The following PPP4R1 variants were observed in gnomAD, a reference collection of about 807,000 sequenced individuals.
The protein encoded by PPP4R1 is protein phosphatase 4 regulatory subunit 1.
A neutral mutation model predicts 111.2 loss-of-function variants in PPP4R1; 42 were observed. The observed-to-expected ratio is 0.38, with a 90% CI of 0.29 to 0.49. PPP4R1 has a LOEUF of 0.49. Ranked by LOEUF, PPP4R1 falls within the 20% of genes least tolerant of loss-of-function variation. PPP4R1 has a pLI of 0.97. For synonymous variants in PPP4R1, 409 were observed against 405.5 expected (o/e 1.01, Z -0.10); for missense variants, 1,012 against 1,161.6 (o/e 0.87, Z 1.87).
chr18:9,553,195 G>A (rs1431193432), intron 16 of PPP4R1, 127 bp downstream of exon 16: 13 of 702,854 alleles, frequency 1.8e-5, no homozygotes, highest in Middle Eastern at 3.3e-4. Context: ...TACAGGAAGC[G>A]TTAAAGGGCT....
chr18:9,593,930 GAATTTT>G, intron 3 of PPP4R1, 56 bp from the exon 4 acceptor site: 1 of 1,423,010 alleles, frequency 7.0e-7, no homozygotes, highest in Non-Finnish European at 9.8e-7. Flanking sequence ...CTAATATCCA[GAATTTT>G]AATTTTTTGA....
chr18:9,559,646 T>C (rs1409501670), intron 13 of PPP4R1, 42 bp from the exon 14 acceptor site: 1 of 1,455,908 alleles, frequency 6.9e-7, no homozygotes. Context: ...GCAGCTGAGA[T>C]GCATTTTGAG....
chr18:9,563,184 AG>A, intron 12 of PPP4R1, 193 bp downstream of exon 12: 1 of 1,213,276 alleles, frequency 8.2e-7, no homozygotes, highest in Non-Finnish European at 1.1e-6. Flanking sequence ...TTACTTTTCC[AG>A]GCATTTCATA....
Position 9,557,212 on chromosome 18 carries a change from A to T in PPP4R1, c.2190+9T>A, listed in dbSNP as rs1361862419. The T allele has an allele frequency of 7.0e-6, 11 of 1,564,368 alleles. No homozygotes were observed. The highest frequency in any genetic ancestry group is 8.6e-6 in the Non-Finnish European group (10 of 1,162,248). On this transcript the variant is annotated intron_variant, in intron 15 of 19. Coordinates refer to ENST00000400556, the MANE Select transcript of PPP4R1 (RefSeq NM_001042388.3). ...GTTGTGTTTTTATGCAAAAAAATTTAAAAGTTACCTTCAGAAAATCATGCA... is the reference window on the plus strand; with the variant it reads ...GTTGTGTTTTTATGCAAAAAAATTTTAAAGTTACCTTCAGAAAATCATGCA...
Position 9,553,424 on chromosome 18 carries a change from T to C in PPP4R1, c.2191-2A>G. On this transcript the variant is annotated splice_acceptor_variant, in intron 15 of 19. Coordinates refer to ENST00000400556, the MANE Select transcript of PPP4R1 (RefSeq NM_001042388.3). LOFTEE classifies it high-confidence loss of function. ...TCTTCTTTTGTCAATATGAAGAAGC[T>C]AAAGTAACAAAATAAAAATATTTAC... 6.5e-7 allele frequency: 1 copy of C among 1,541,458 alleles called. No individual in the cohort carries two copies. Among genetic ancestry groups the C allele is most frequent in the Non-Finnish European group, 8.9e-7 (1 of 1,118,112 alleles).
intron 11 of PPP4R1, among the ~76,000 whole-genome samples, chr18:9,567,156 A>G (rs1233115990): frequency 6.6e-6 from 1 of 152,232 alleles, no homozygotes; most frequent in African/African-American, 2.4e-5. Context: ...AGCATTCACG[A>G]TTCATGGGAG....
At chr18:9,572,491 A>T (rs2066877433) in intron 10 of PPP4R1, among the ~76,000 whole-genome samples, 1 of 152,220 alleles carries the variant, frequency 6.6e-6, no homozygotes, top group African/African-American at 2.4e-5. Flanking sequence ...CAGTGAAGAG[A>T]CTTGCTTCCC....
chr18:9,577,017 A>G, intron 10 of PPP4R1, 47 bp downstream of exon 10: 1 of 1,429,702 alleles, frequency 7.0e-7, no homozygotes, highest in Non-Finnish European at 9.5e-7. Context: ...AAGCAGTAAA[A>G]TTAGAAAACA....
In PPP4R1 at chr18:9,583,231, G is replaced by A. The variant is rs2067060285; in HGVS notation, c.804C>T (p.Val268=). 1 of 1,607,224 alleles carries A rather than the reference G, an allele frequency of 6.2e-7. No homozygotes were observed. Among genetic ancestry groups the A allele is most frequent in the South Asian group, 1.1e-5 (1 of 90,462 alleles). The change falls in exon 9 of 20, where the codon GTC becomes GTT. Residue 268 remains valine (V), a synonymous_variant. Coordinates refer to ENST00000400556, the MANE Select transcript of PPP4R1 (RefSeq NM_001042388.3). Reference sequence around the variant, plus strand: ...TGAAGCATTCAGCACAAGCCTTTCGGACTCCCCATACATTATCAGAACAAA... The same window carrying A: ...TGAAGCATTCAGCACAAGCCTTTCGAACTCCCCATACATTATCAGAACAAA... ...FQLCSDNVWG[V]RKACAECFMA...
chr18:9,563,294 A>ACTAAAC, intron 12 of PPP4R1, 84 bp downstream of exon 12: 1 of 1,412,488 alleles, frequency 7.1e-7, no homozygotes, highest in South Asian at 1.4e-5. Flanking sequence ...ACAAACTAAA[A>ACTAAAC]GTGATTAGCT....
intron 11 of PPP4R1, among the ~76,000 whole-genome samples, chr18:9,566,530 A>T (rs539607871): frequency 2.1e-4 from 32 of 152,146 alleles, no homozygotes; most frequent in Admixed American, 8.5e-4. Context: ...GCATGCCTGT[A>T]GTCCCAGCTA....
intron 10 of PPP4R1, among the ~76,000 whole-genome samples, chr18:9,575,556 T>C (rs181871120): frequency 6.6e-6 from 1 of 152,304 alleles, no homozygotes; most frequent in East Asian, 1.9e-4. Flanking sequence ...AGATCAGCAA[T>C]ACAAGTAGTA....
chr18:9,591,548 G>A (rs1444525796), intron 4 of PPP4R1, among the ~76,000 whole-genome samples: 4 of 152,114 alleles, frequency 2.6e-5, no homozygotes, highest in Admixed American at 2.0e-4. Context: ...GCAGAAGACC[G>A]AAAGGTTCTC....
At chr18:9,552,795 C>T (rs1352270138) in intron 16 of PPP4R1, among the ~76,000 whole-genome samples, 1 of 152,186 alleles carries the variant, frequency 6.6e-6, no homozygotes, top group African/African-American at 2.4e-5. Flanking sequence ...TGTGGTATAT[C>T]CATACAATGG....
chr18:9,564,728 GTGTGTGT>G, intron 11 of PPP4R1, among the ~76,000 whole-genome samples: 1 of 54,472 alleles, frequency 1.8e-5, no homozygotes, highest in African/African-American at 6.6e-5. Flanking sequence ...GTGTGTGTGT[GTGTGTGT>G]GTGGGGGTAT....
Position 9,614,318 on chromosome 18 carries a change from G to A in PPP4R1, c.8-48C>T, listed in dbSNP as rs2067646432. 1.0e-5 allele frequency: 12 copies of A among 1,179,752 alleles called. No homozygotes were observed. The highest frequency in any genetic ancestry group is 1.3e-5 in the Non-Finnish European group (12 of 943,668). The allele number at this position is 1,179,752 out of a possible 1,614,324, so 73.1% of individuals were successfully genotyped here. A position where few individuals can be genotyped will look rare whatever the true frequency, so the allele number is the denominator to read the frequency against. On this transcript the variant is annotated intron_variant, in intron 1 of 19. Coordinates refer to ENST00000400556, the MANE Select transcript of PPP4R1 (RefSeq NM_001042388.3). This position sits in a 1 kb window ranked among gnomAD's most constrained non-coding sequence, Gnocchi z 4.1. ...AGGCCCGGTCAGCGCCCCGGGGCCCGGCGCGACGCCCCCCCCCCGCCCGCC... is the reference window on the plus strand; with the variant it reads ...AGGCCCGGTCAGCGCCCCGGGGCCCAGCGCGACGCCCCCCCCCCGCCCGCC...
chr18:9,556,119 C>A (rs1055095340), intron 15 of PPP4R1, among the ~76,000 whole-genome samples: 2 of 148,244 alleles, frequency 1.3e-5, no homozygotes, highest in South Asian at 4.3e-4. Context: ...CAAGATCCTG[C>A]CACTGCACTC....
At position 9,559,555 on chromosome 18, in the gene PPP4R1, G is replaced by A. The variant is rs1313547258; in HGVS notation, c.1892C>T (p.Pro631Leu). ...LLDQYLSMTD[P>L]SRAQTVDTEI... ...AGTGTCAACCGTCTGTGCACGAGAA[G>A]GGTCAGTCATAGATAAATACTGATC... Residue 631 changes from proline (P) to leucine (L), a missense_variant, in exon 14 of 20, where the codon CCT becomes CTT. Pro to Leu is a moderately conservative substitution (Grantham distance 98, BLOSUM62 -3). This residue lies in a region of PPP4R1 where 305 missense variants were observed against 419.5 expected (regional missense o/e 0.73). Coordinates refer to ENST00000400556, the MANE Select transcript of PPP4R1 (RefSeq NM_001042388.3). The A allele has an allele frequency of 6.2e-7, 1 of 1,613,098 alleles. No individual in the cohort carries two copies. The highest frequency in any genetic ancestry group is 8.5e-7 in the Non-Finnish European group (1 of 1,179,446).
intron 11 of PPP4R1, among the ~76,000 whole-genome samples, chr18:9,564,737 T>TGTGTGTGTGTGG (rs1475596391): frequency 7.5e-4 from 51 of 68,018 alleles, no homozygotes; most frequent in East Asian, 2.2e-3. Context: ...TGTGTGTGTG[T>TGTGTGTGTGTGG]GGGGGTATCA....
Sources: allele counts gnomAD v4.1 joint callset (sites outside exome capture counted in the v4.1 genomes callset), GRCh38; gene constraint gnomAD v4.1.1; regional missense constraint gnomAD v4.1.1; non-coding constraint Gnocchi (gnomAD v3.1); transcripts MANE v1.5; gene names NCBI Gene and HGNC (gene_info 2026-07-23, HGNC 2026-07-21).